Variants in RPAIN observed in about 807,000 individuals in gnomAD.
RPAIN encodes RPA-interacting protein.
Under a neutral mutation model 30.5 loss-of-function variants are expected in RPAIN, and 29 were observed. That is an observed-to-expected ratio of 0.95 (90% CI 0.71 to 1.30). The LOEUF (loss-of-function observed/expected upper bound fraction) is 1.30, where lower values mean the gene tolerates loss of function less well. Ranked by LOEUF, RPAIN falls within the 50% of genes most tolerant of loss-of-function variation. The pLI, the probability that RPAIN is intolerant of heterozygous loss-of-function variation, is 0.00. For missense variants in RPAIN, 247 were observed against 264.7 expected, an observed-to-expected ratio of 0.93 and a Z score of 0.46; for synonymous variants, 101 against 93.5, an observed-to-expected ratio of 1.08 and a Z score of -0.46.
intron 6 of RPAIN, chr17:5,431,837 A>G (rs1457654400): frequency 2.9e-6 from 1 of 343,208 alleles, no homozygotes; most frequent in African/African-American, 2.2e-5. Context: ...AAAGCCAAAC[A>G]TATTACCTGT....
intron 3 of RPAIN, 50 bp from the exon 4 acceptor site, chr17:5,425,921 C>A: frequency 1.6e-6 from 2 of 1,233,042 alleles, no homozygotes; most frequent in African/African-American, 1.5e-5. Flanking sequence ...GAATTAAATA[C>A]AGGGCCAGCT....
intron 3 of RPAIN, 130 bp from the exon 4 acceptor site, chr17:5,425,841 C>A: frequency 1.6e-6 from 1 of 620,606 alleles, no homozygotes; most frequent in Non-Finnish European, 2.9e-6. Flanking sequence ...GCATAAAAAC[C>A]AGTCATTGGT....
intron 1 of RPAIN, 123 bp downstream of exon 1, chr17:5,420,414 C>G: frequency 1.3e-6 from 1 of 764,606 alleles, no homozygotes; most frequent in East Asian, 2.7e-5. Context: ...TGGTCAAACC[C>G]AGGCCTGCTG....
intron 3 of RPAIN, chr17:5,425,166 C>A: frequency 2.6e-6 from 1 of 377,586 alleles, no homozygotes; most frequent in South Asian, 2.0e-5. Flanking sequence ...TCCCTAATGT[C>A]TAGACTGTGA....
At chr17:5,428,661 T>C (rs1915635293) in intron 6 of RPAIN, 1 of 829,510 alleles carries the variant, frequency 1.2e-6, no homozygotes, top group African/African-American at 1.8e-5. Context: ...ACAACTGAGG[T>C]GTGAGGGCCA....
At chr17:5,423,933 AT>A (rs200628058) in intron 3 of RPAIN, among the ~76,000 whole-genome samples, 2,301 of 144,228 alleles carry the variant, frequency 0.016, 57 homozygotes, top group African/African-American at 0.052. Context: ...TTTTTTATTA[AT>A]TTTTTTTTTT....
chr17:5,429,962 G>A (rs143280339), intron 6 of RPAIN: 4,005 of 165,640 alleles, frequency 0.024, 69 homozygotes, highest in Middle Eastern at 0.056. Context: ...GAGGTCAGGA[G>A]TTTAAGACCA....
At chr17:5,428,605 A>C (rs1915629317) in intron 6 of RPAIN, 2 of 979,168 alleles carry the variant, frequency 2.0e-6, no homozygotes, top group South Asian at 2.1e-5. Context: ...TTTGTCTGTC[A>C]GTGGAGTTTT....
rs956195384 is a variant in RPAIN, at chr17:5,432,845, G to GA, written c.*281dup. 29 of 959,682 alleles carry GA rather than the reference G, an allele frequency of 3.0e-5. No individual in the cohort carries two copies. The highest frequency in any genetic ancestry group is 3.4e-4 in the Middle Eastern group (1 of 2,960). The allele number at this position is 959,682 out of a possible 1,614,324, so 59.4% of individuals were successfully genotyped here. A position where few individuals can be genotyped will look rare whatever the true frequency, so the allele number is the denominator to read the frequency against. ...AATCTAGAAATAATAGATTTGTACA[G>GA]AAAAAAATGATAATAAATGAGAACA... On this transcript the variant is annotated 3_prime_UTR_variant, in exon 7 of 7. Coordinates refer to ENST00000381209, the MANE Select transcript of RPAIN (RefSeq NM_001033002.4).
Position 5,421,530 on chromosome 17 carries a change from TTTTA to T in RPAIN, c.252+68_252+71del, listed in dbSNP as rs1914833023. The T allele has an allele frequency of 2.6e-5, 39 of 1,474,728 alleles. 1 individual carries two copies. In the South Asian group the frequency reaches 4.4e-4, roughly 17 times the overall value. The allele number at this position is 1,474,728 out of a possible 1,614,324, so 91.4% of individuals were successfully genotyped here. On this transcript the variant is annotated intron_variant, in intron 2 of 6. Coordinates refer to ENST00000381209, the MANE Select transcript of RPAIN (RefSeq NM_001033002.4). Reference sequence around the variant, plus strand: ...ACCACCAAGAACGGCTCGTGTCCTCTTTTATTTGTTTACTTGAGTCCTCTAAACC... The same window carrying T: ...ACCACCAAGAACGGCTCGTGTCCTCTTTTGTTTACTTGAGTCCTCTAAACC...
At chr17:5,429,737 C>T (rs1915726778) in intron 6 of RPAIN, 1 of 985,502 alleles carries the variant, frequency 1.0e-6, no homozygotes, top group Non-Finnish European at 1.2e-6. Context: ...TGCTTTCAGG[C>T]CTCTGTGCTG....
chr17:5,422,667 A>G (rs564427425), intron 2 of RPAIN, 102 bp from the exon 3 acceptor site: 19 of 1,005,388 alleles, frequency 1.9e-5, no homozygotes, highest in Middle Eastern at 4.9e-4. Flanking sequence ...ATTTTGTCCA[A>G]TAAATCTGGG....
intron 3 of RPAIN, chr17:5,425,570 G>C (rs751956147): frequency 1.4e-5 from 5 of 349,758 alleles, no homozygotes; most frequent in South Asian, 8.9e-5. Context: ...TCCTGACCTC[G>C]AGTGATCTGC....
intron 3 of RPAIN, chr17:5,423,089 T>G (rs763683494): frequency 1.2e-5 from 4 of 344,060 alleles, no homozygotes; most frequent in Non-Finnish European, 1.5e-5. Flanking sequence ...GATAGTAGTA[T>G]TAGAACAGAA....
chr17:5,428,462 C>T, intron 6 of RPAIN: 1 of 1,432,992 alleles, frequency 7.0e-7, no homozygotes. Flanking sequence ...GGCTCCACAC[C>T]TGCTCTTCTT....
chr17:5,429,552 C>G, intron 6 of RPAIN: 2 of 985,474 alleles, frequency 2.0e-6, no homozygotes, highest in Non-Finnish European at 2.4e-6. Flanking sequence ...CCTGCTGTTT[C>G]CTGCTCCAGG....
rs564291162 is a variant in RPAIN, at chr17:5,422,096, G to A, written c.252+630G>A. ...CTTTCCGATTCTAATCTCAGCCAAC[G>A]TTGGCAGCCATGTGTGGAAGGGAAA... On this transcript the variant is annotated intron_variant, in intron 2 of 6. Transcript: ENST00000381209. Among the ~76,000 whole-genome samples the A allele has an allele frequency of 6.6e-5, 10 of 152,294 alleles. No individual in the cohort carries two copies. In the South Asian group the frequency reaches 8.3e-4, roughly 13 times the overall value.
At chr17:5,421,249 A>G (rs1169777193) in intron 1 of RPAIN, 47 bp from the exon 2 acceptor site, 1 of 1,547,402 alleles carries the variant, frequency 6.5e-7, no homozygotes, top group African/African-American at 1.4e-5. Context: ...TTTTTTAAAA[A>G]TAGAAATGCT....
intron 6 of RPAIN, chr17:5,432,196 C>T: frequency 4.1e-6 from 1 of 242,678 alleles, no homozygotes; most frequent in Admixed American, 5.1e-5. Flanking sequence ...CATCTTCCTG[C>T]TGGGCTCTAA....
Sources: gnomAD v4.1 joint callset for allele counts (sites outside exome capture counted in the v4.1 genomes callset) on GRCh38, gnomAD v4.1.1 for gene constraint, MANE v1.5 for transcripts, NCBI Gene and HGNC (gene_info 2026-07-23, HGNC 2026-07-21) for gene names.